Variants in MEMO1 observed in about 807,000 individuals in gnomAD.
MEMO1 encodes the protein mediator of cell motility 1, also known as protein MEMO1.
A neutral mutation model predicts 45.2 loss-of-function variants in MEMO1; 6 were observed. That is an observed-to-expected ratio of 0.13 (90% CI 0.07 to 0.26). The LOEUF (loss-of-function observed/expected upper bound fraction) is 0.26, where lower values mean the gene tolerates loss of function less well. MEMO1 is among the 10% of genes least tolerant of loss of function. MEMO1 has a pLI of 1.00. For missense variants in MEMO1, 184 were observed against 370.5 expected (o/e 0.50, Z 4.13); for synonymous variants, 78 against 124.3 (o/e 0.63, Z 2.48).
chr2:31,978,517 T>C (rs1173367967), intron 2 of MEMO1, among the ~76,000 whole-genome samples: 2 of 152,260 alleles, frequency 1.3e-5, no homozygotes, highest in Non-Finnish European at 2.9e-5. Context: ...ATGATCATCA[T>C]AGCTCACTGA....
intron 2 of MEMO1, among the ~76,000 whole-genome samples, chr2:32,001,571 T>G (rs950599571): frequency 1.3e-5 from 2 of 152,182 alleles, no homozygotes; most frequent in Admixed American, 6.5e-5. Context: ...GAAAGAACAG[T>G]AGGCTTCAGC....
intron 6 of MEMO1, among the ~76,000 whole-genome samples, chr2:31,904,757 A>C (rs1394043908): frequency 1.3e-5 from 2 of 152,240 alleles, no homozygotes; most frequent in African/African-American, 4.8e-5. Flanking sequence ...TGGTCATGAA[A>C]GTTTCAAACA....
At chr2:31,883,249 T>C (rs1002466735) in intron 8 of MEMO1, 137 bp downstream of exon 8, 6 of 660,784 alleles carry the variant, frequency 9.1e-6, no homozygotes, top group Admixed American at 3.0e-5. Flanking sequence ...TCAGTATTTA[T>C]ATGATGACAC....
intron 6 of MEMO1, among the ~76,000 whole-genome samples, chr2:31,905,728 T>G (rs1418013974): frequency 1.3e-5 from 2 of 152,234 alleles, no homozygotes; most frequent in Admixed American, 6.5e-5. Flanking sequence ...CTTCATATTC[T>G]CTTCAATTCA....
At chr2:31,965,626 C>A (rs1244480557) in intron 2 of MEMO1, among the ~76,000 whole-genome samples, 1 of 152,116 alleles carries the variant, frequency 6.6e-6, no homozygotes, top group African/African-American at 2.4e-5. Flanking sequence ...GTTTCCTTAT[C>A]TATAAAAATG....
chr2:31,915,633 C>T (rs1406868942), intron 6 of MEMO1, among the ~76,000 whole-genome samples: 1 of 151,976 alleles, frequency 6.6e-6, no homozygotes, highest in Non-Finnish European at 1.5e-5. Flanking sequence ...AAAAAAAAGT[C>T]CTACTTGAAG....
intron 2 of MEMO1, among the ~76,000 whole-genome samples, chr2:31,968,786 A>G (rs1411603224): frequency 6.6e-5 from 10 of 152,154 alleles, no homozygotes; most frequent in Non-Finnish European, 1.2e-4. Flanking sequence ...ATTGTTGTCC[A>G]TCATAGATGG....
chr2:31,875,642 T>C (rs1238772877), intron 8 of MEMO1, among the ~76,000 whole-genome samples: 1 of 152,068 alleles, frequency 6.6e-6, no homozygotes, highest in African/African-American at 2.4e-5. Context: ...GTTACTATCA[T>C]CTCTCCCTTG....
At chr2:31,908,552 C>A (rs1293796574) in intron 6 of MEMO1, among the ~76,000 whole-genome samples, 1 of 152,086 alleles carries the variant, frequency 6.6e-6, no homozygotes, top group African/African-American at 2.4e-5. Context: ...TGGACAGAAT[C>A]AGAGAATCCT....
At chr2:32,001,919 G>A (rs1226817023) in intron 2 of MEMO1, among the ~76,000 whole-genome samples, 1 of 151,698 alleles carries the variant, frequency 6.6e-6, no homozygotes, top group Non-Finnish European at 1.5e-5. Flanking sequence ...AGGCCAAGGA[G>A]GGTGGATCAC....
At chr2:31,985,798 A>C (rs1671188470) in intron 2 of MEMO1, among the ~76,000 whole-genome samples, 1 of 152,218 alleles carries the variant, frequency 6.6e-6, no homozygotes, top group Admixed American at 6.5e-5. Flanking sequence ...ATCTAGCAGA[A>C]CAAAGTTATT....
chr2:31,893,664 A>C (rs954498387), intron 6 of MEMO1, among the ~76,000 whole-genome samples: 1 of 152,162 alleles, frequency 6.6e-6, no homozygotes, highest in Admixed American at 6.5e-5. Context: ...CCCGAATTGT[A>C]AATATATTTC....
At chr2:31,938,908 T>C (rs1052794192) in intron 3 of MEMO1, among the ~76,000 whole-genome samples, 6 of 151,384 alleles carry the variant, frequency 4.0e-5, no homozygotes, top group Non-Finnish European at 7.4e-5. Context: ...CATCTCAGCT[T>C]CTGGAGTAGC....
intron 2 of MEMO1, among the ~76,000 whole-genome samples, chr2:32,005,533 G>C (rs1673958999): frequency 6.6e-6 from 1 of 151,810 alleles, no homozygotes; most frequent in Admixed American, 6.6e-5. Flanking sequence ...CTTGTTTAAA[G>C]TATGTCATAC....
chr2:31,983,641 T>A (rs1239857197), intron 2 of MEMO1, among the ~76,000 whole-genome samples: 3 of 152,002 alleles, frequency 2.0e-5, no homozygotes, highest in Non-Finnish European at 4.4e-5. Context: ...TCCATGTTGG[T>A]CAGGCTGGTC....
intron 2 of MEMO1, among the ~76,000 whole-genome samples, chr2:32,000,515 C>G (rs1440278953): frequency 1.3e-5 from 2 of 152,066 alleles, no homozygotes; most frequent in African/African-American, 4.8e-5. Context: ...CAGGCGTGAG[C>G]CACCGTGCCC....
Position 31,997,283 on chromosome 2 carries a change from G to A in MEMO1, c.61+12904C>T, listed in dbSNP as rs189068899. ...CAGCAGTAAAATGTAATAAGAAATC[G>A]TCAAGCAACCTGAAGAAAAGACACA... On this transcript the variant is annotated intron_variant, in intron 2 of 9. Coordinates refer to ENST00000404530, the MANE Select transcript of MEMO1 (RefSeq NM_001301833.4). Among the ~76,000 whole-genome samples, 165 of 152,188 alleles carry A rather than the reference G, an allele frequency of 1.1e-3. 1 individual carries two copies. The highest frequency in any genetic ancestry group is 2.5e-4 in the Non-Finnish European group (17 of 68,002).
intron 6 of MEMO1, among the ~76,000 whole-genome samples, chr2:31,909,313 C>A (rs1424520227): frequency 1.3e-5 from 2 of 152,092 alleles, no homozygotes; most frequent in African/African-American, 4.8e-5. Context: ...AGGAAAAAGT[C>A]AAATTATCCT....
intron 2 of MEMO1, among the ~76,000 whole-genome samples, chr2:32,005,650 C>T (rs777112951): frequency 6.6e-6 from 1 of 152,076 alleles, no homozygotes; most frequent in Non-Finnish European, 1.5e-5. Flanking sequence ...ACTTGAATGG[C>T]AGCAGTCTCA....
Sources: gnomAD v4.1 joint callset for allele counts (sites outside exome capture counted in the v4.1 genomes callset) on GRCh38, gnomAD v4.1.1 for gene constraint, MANE v1.5 for transcripts, NCBI Gene and HGNC (gene_info 2026-07-23, HGNC 2026-07-21) for gene names.